Variants in CUBN observed in about 807,000 individuals in gnomAD.
The protein encoded by CUBN is cubilin, also known as 460 kDa receptor.
Under a neutral mutation model 405.3 loss-of-function variants are expected in CUBN, and 282 were observed. The ratio of observed to expected loss-of-function variants is 0.70; its 90% CI spans 0.63 to 0.77. The LOEUF is 0.77. Ranked by LOEUF, CUBN falls within the 30% of genes least tolerant of loss-of-function variation. The probability of loss-of-function intolerance (pLI) is 0.00; values close to 1 mark genes in which losing one functional copy is unlikely to be tolerated. For synonymous variants in CUBN, 1,684 were observed against 1,617.0 expected (o/e 1.04, Z -0.99); for missense variants, 4,514 against 4,475.2 (o/e 1.01, Z -0.25).
At chr10:16,870,240 C>T (rs1037612009) in intron 58 of CUBN, among the ~76,000 whole-genome samples, 3 of 152,210 alleles carry the variant, frequency 2.0e-5, no homozygotes, top group Non-Finnish European at 4.4e-5. Context: ...ACCATATTTA[C>T]TCTTCCCTTG....
intron 59 of CUBN, among the ~76,000 whole-genome samples, chr10:16,866,186 A>G (rs1043562097): frequency 3.3e-5 from 5 of 152,324 alleles, no homozygotes; most frequent in African/African-American, 1.2e-4. Flanking sequence ...TTTTAGAAAA[A>G]AAAAATGAAA....
At chr10:16,970,209 A>C (rs893283340) in intron 31 of CUBN, among the ~76,000 whole-genome samples, 2 of 152,264 alleles carry the variant, frequency 1.3e-5, no homozygotes, top group South Asian at 2.1e-4. Context: ...TTTCCATTTC[A>C]TATTTGAATT....
At chr10:16,885,237 A>C (rs887542232) in intron 56 of CUBN, among the ~76,000 whole-genome samples, 2 of 152,226 alleles carry the variant, frequency 1.3e-5, no homozygotes, top group African/African-American at 4.8e-5. Context: ...TAATTAGATG[A>C]ATCTATAGCC....
chr10:17,034,206 A>G (rs1474685480), intron 27 of CUBN, among the ~76,000 whole-genome samples: 1 of 152,196 alleles, frequency 6.6e-6, no homozygotes, highest in South Asian at 2.1e-4. Flanking sequence ...GAAATGATTT[A>G]ATGGAAGATG....
chr10:17,052,910 C>T (rs1213130505), intron 22 of CUBN, among the ~76,000 whole-genome samples: 1 of 149,042 alleles, frequency 6.7e-6, no homozygotes, highest in Non-Finnish European at 1.5e-5. Context: ...CATGGAATTA[C>T]ACTAGTATGA....
At chr10:16,975,239 C>T (rs1487415190) in intron 31 of CUBN, among the ~76,000 whole-genome samples, 1 of 152,220 alleles carries the variant, frequency 6.6e-6, no homozygotes, top group African/African-American at 2.4e-5. Flanking sequence ...AGTTTATTTT[C>T]CATCTCCGTG....
rs988574677 is a variant in CUBN at position 17,106,336 on chromosome 10, T to C, written c.1112-761A>G. Among the ~76,000 whole-genome samples the C allele has an allele frequency of 2.0e-5, 3 of 149,186 alleles. No homozygotes were observed. In the Admixed American group the frequency reaches 2.0e-4, roughly 10 times the overall value. On this transcript the variant is annotated intron_variant, in intron 10 of 66. Transcript: ENST00000377833. ...ATAATAATACTAATAAAGAGCCCTA[T>C]GGAATCTGTAATCCCTGAACTTTGG...
At chr10:17,087,433 C>T (rs1836136806) in intron 15 of CUBN, among the ~76,000 whole-genome samples, 1 of 148,776 alleles carries the variant, frequency 6.7e-6, no homozygotes, top group African/African-American at 2.5e-5. Context: ...TTCCAGGAAC[C>T]TAACCCAGTT....
At chr10:16,908,970 C>T (rs1256583134) in intron 48 of CUBN, among the ~76,000 whole-genome samples, 2 of 150,834 alleles carry the variant, frequency 1.3e-5, no homozygotes. Flanking sequence ...GCAAGCTCCG[C>T]TTCCCGGGTT....
intron 59 of CUBN, among the ~76,000 whole-genome samples, chr10:16,868,228 T>C (rs1187451205): frequency 6.6e-6 from 1 of 152,172 alleles, no homozygotes; most frequent in African/African-American, 2.4e-5. Context: ...CTGATACAAT[T>C]TGTCTTGAGG....
chr10:17,014,626 C>T (rs983071865), intron 28 of CUBN, among the ~76,000 whole-genome samples: 7 of 152,206 alleles, frequency 4.6e-5, no homozygotes, highest in African/African-American at 7.2e-5. Flanking sequence ...GCTGGGTCTT[C>T]GACCTAGATG....
chr10:16,991,977 AC>A (rs921542916), intron 28 of CUBN, among the ~76,000 whole-genome samples: 7 of 152,348 alleles, frequency 4.6e-5, no homozygotes, highest in African/African-American at 1.4e-4. Flanking sequence ...AAGAGCAAAG[AC>A]TTGGAACCAA....
intron 62 of CUBN, among the ~76,000 whole-genome samples, chr10:16,837,027 A>G (rs1233531354): frequency 6.6e-6 from 1 of 152,026 alleles, no homozygotes; most frequent in African/African-American, 2.4e-5. Flanking sequence ...TAATATCTGC[A>G]GTTCTTAGGA....
At chr10:17,037,423 C>A (rs1369677764) in intron 27 of CUBN, among the ~76,000 whole-genome samples, 1 of 152,132 alleles carries the variant, frequency 6.6e-6, no homozygotes, top group Non-Finnish European at 1.5e-5. Context: ...ATCATAAATT[C>A]ATAATAATTC....
chr10:16,999,354 G>T (rs370887341), intron 28 of CUBN, among the ~76,000 whole-genome samples: 1 of 152,056 alleles, frequency 6.6e-6, no homozygotes, highest in Non-Finnish European at 1.5e-5. Context: ...ACTATCTTTC[G>T]TCTTAACCTA....
At chr10:16,919,383 T>C (rs1308421243) in intron 44 of CUBN, among the ~76,000 whole-genome samples, 1 of 152,250 alleles carries the variant, frequency 6.6e-6, no homozygotes, top group East Asian at 1.9e-4. Flanking sequence ...GCTGCATTCA[T>C]GCAAATGTAT....
intron 31 of CUBN, among the ~76,000 whole-genome samples, chr10:16,980,004 TAAAC>T (rs1473564994): frequency 6.6e-6 from 1 of 151,116 alleles, no homozygotes. Flanking sequence ...AAGAAAAAAA[TAAAC>T]AACCTCATCA....
intron 56 of CUBN, among the ~76,000 whole-genome samples, chr10:16,879,565 A>G (rs1336288758): frequency 1.3e-5 from 2 of 152,216 alleles, no homozygotes; most frequent in African/African-American, 2.4e-5. Context: ...CTCTTCCTAC[A>G]AGAGCACGCT....
intron 55 of CUBN, among the ~76,000 whole-genome samples, chr10:16,889,661 C>T (rs1215159824): frequency 6.6e-6 from 1 of 151,608 alleles, no homozygotes; most frequent in East Asian, 1.9e-4. Context: ...TTTGGGAGGC[C>T]GAGGCGGGCG....
Sources: allele counts gnomAD v4.1 joint callset (sites outside exome capture counted in the v4.1 genomes callset), GRCh38; gene constraint gnomAD v4.1.1; transcripts MANE v1.5; gene names NCBI Gene and HGNC (gene_info 2026-07-23, HGNC 2026-07-21).